LOXL2: variants seen among roughly 807,000 people sequenced by gnomAD.
LOXL2 encodes lysyl oxidase homolog 2.
In LOXL2, 70 loss-of-function variants were observed where a neutral mutation model predicts 93.0. The observed-to-expected ratio is 0.75, with a 90% CI of 0.62 to 0.92. LOXL2 has a LOEUF of 0.92. Ranked by LOEUF, LOXL2 falls within the 40% of genes least tolerant of loss-of-function variation. The pLI is 0.00. For synonymous variants in LOXL2, 438 were observed against 413.2 expected, an observed-to-expected ratio of 1.06 and a Z score of -0.73; for missense variants, 973 against 1,054.9, an observed-to-expected ratio of 0.92 and a Z score of 1.08.
At chr8:23,365,136 G>A (rs17089161) in intron 2 of LOXL2, 34,661 of 152,272 alleles carry the variant, frequency 0.23, 5,994 homozygotes, top group African/African-American at 0.49. Context: ...AACCCAGAAC[G>A]TCCCTGGTGC....
rs1205360031 is a variant in LOXL2 at position 23,303,404 on chromosome 8, C to T, written c.1881-7G>A. 24 of 1,537,008 alleles carry T rather than the reference C, an allele frequency of 1.6e-5. No individual in the cohort carries two copies. The Admixed American group carries it at 2.0e-4, about 13-fold the overall frequency. ...CTCCATGCTGTGGTAGTGCCTGGAG[C>T]GAGAGAGAGATGGCCTGGAGGTCAG... On this transcript the variant is annotated splice_region_variant and splice_polypyrimidine_tract_variant and intron_variant, in intron 10 of 13. Transcript: ENST00000389131.
intron 1 of LOXL2, among the ~76,000 whole-genome samples, chr8:23,374,969 T>A (rs1191112277): frequency 6.6e-6 from 1 of 152,244 alleles, no homozygotes; most frequent in Non-Finnish European, 1.5e-5. Context: ...ATTTGTTAAT[T>A]TTGGCTTTTG....
Position 23,297,999 on chromosome 8 carries a change from G to GA in LOXL2, c.*43dup, listed in dbSNP as rs1367339890. On this transcript the variant is annotated 3_prime_UTR_variant, in exon 14 of 14. Transcript: ENST00000389131. ...GTTGTTGGGGGGAAGTCCCATGGAA[G>GA]ATGTGGTGTGGCCTGAAGACAGGAG... 6.6e-7 allele frequency: 1 copy of GA among 1,518,870 alleles called. No homozygotes were observed. Among genetic ancestry groups the GA allele is most frequent in the South Asian group, 1.1e-5 (1 of 87,934 alleles). The allele number at this position is 1,518,870 out of a possible 1,614,324, so 94.1% of individuals were successfully genotyped here. A position where few individuals can be genotyped will look rare whatever the true frequency, so the allele number is the denominator to read the frequency against.
At chr8:23,328,703 G>A (rs1174985316) in intron 5 of LOXL2, 138 bp from the exon 6 acceptor site, 2 of 680,102 alleles carry the variant, frequency 2.9e-6, no homozygotes, top group African/African-American at 3.7e-5. Context: ...TATGCTTGAT[G>A]TATGGATGTG....
rs3765215 is a variant in LOXL2 at position 23,303,265 on chromosome 8, C to G, written c.1996+17G>C. 0.26 allele frequency: 393,658 copies of G among 1,529,340 alleles called. 53,642 individuals are homozygous for G. The highest frequency in any genetic ancestry group is 0.29 in the East Asian group (12,910 of 44,386). The allele number at this position is 1,529,340 out of a possible 1,614,324, so 94.7% of individuals were successfully genotyped here. The stretch of plus-strand genomic sequence containing the variant: ...AGTCCCTCTGAGGCCTCCCATCCCC[C>G]CACTCCGCTCAGATACCTCCTTCAC... On this transcript the variant is annotated intron_variant, in intron 11 of 13. Coordinates refer to ENST00000389131, the MANE Select transcript of LOXL2 (RefSeq NM_002318.3).
At chr8:23,318,521 A>T (rs541629140) in intron 8 of LOXL2, among the ~76,000 whole-genome samples, 2 of 151,504 alleles carry the variant, frequency 1.3e-5, no homozygotes, top group South Asian at 4.2e-4. Flanking sequence ...ACCAATACCC[A>T]CCTCCATCCT....
At chr8:23,335,360 C>G (rs183767360) in intron 4 of LOXL2, among the ~76,000 whole-genome samples, 171 of 152,234 alleles carry the variant, frequency 1.1e-3, no homozygotes, top group Middle Eastern at 6.8e-3. Context: ...AGTGCCTGGC[C>G]TGTTGTGACA....
At chr8:23,389,762 T>C (rs1461803022) in intron 1 of LOXL2, among the ~76,000 whole-genome samples, 1 of 152,180 alleles carries the variant, frequency 6.6e-6, no homozygotes, top group East Asian at 1.9e-4. Flanking sequence ...CATAGGACTC[T>C]CACAAAGCAG....
At position 23,376,375 on chromosome 8, in the gene LOXL2, A is replaced by T. The variant is rs564951501; in HGVS notation, c.-83-7941T>A. Among the ~76,000 whole-genome samples, 9 of 152,284 alleles carry T rather than the reference A, an allele frequency of 5.9e-5. No homozygotes were observed. In the South Asian group the frequency reaches 1.7e-3, roughly 28 times the overall value. ...ATTGAGGATTTTTGCATCGATATTC[A>T]TCAGGGATATTGGTCTAAAATTCTC... On this transcript the variant is annotated intron_variant, in intron 1 of 13. Coordinates refer to ENST00000389131, the MANE Select transcript of LOXL2 (RefSeq NM_002318.3).
At chr8:23,333,378 C>T (rs556732782) in intron 5 of LOXL2, 23 bp downstream of exon 5, 3 of 1,610,576 alleles carry the variant, frequency 1.9e-6, no homozygotes, top group African/African-American at 1.3e-5. Context: ...GCCAAGTGGC[C>T]ACACCTCGTG....
chr8:23,350,654 T>C (rs967591996), intron 3 of LOXL2, among the ~76,000 whole-genome samples: 3 of 152,170 alleles, frequency 2.0e-5, no homozygotes, highest in Non-Finnish European at 2.9e-5. Context: ...ATTTCAACAA[T>C]TTCTGTTCCT....
In LOXL2 at chr8:23,319,875, G is replaced by A; in HGVS notation, c.1470+10C>T. On this transcript the variant is annotated intron_variant, in intron 8 of 13. Transcript: ENST00000389131. ...GGGTGAATGCGGGGTCTGAGGCCGG[G>A]GCTTCTCACCTGGAAGGCGTTGCTG... is the stretch of plus-strand genomic sequence containing the variant. 2 of 1,612,218 alleles carry A rather than the reference G, an allele frequency of 1.2e-6. No individual in the cohort carries two copies. The highest frequency in any genetic ancestry group is 1.7e-6 in the Non-Finnish European group (2 of 1,179,642).
At chr8:23,308,331 G>A (rs985530216) in intron 10 of LOXL2, among the ~76,000 whole-genome samples, 3 of 151,974 alleles carry the variant, frequency 2.0e-5, no homozygotes, top group African/African-American at 2.4e-5. Context: ...ACGGGCCCTG[G>A]GATTGAGCAG....
At chr8:23,319,184 G>A (rs1803453572) in intron 8 of LOXL2, among the ~76,000 whole-genome samples, 1 of 152,118 alleles carries the variant, frequency 6.6e-6, no homozygotes, top group African/African-American at 2.4e-5. Flanking sequence ...GGCAGGGAAG[G>A]GTGGCTGCTT....
chr8:23,328,567 T>C lies in LOXL2; in HGVS notation c.967-2A>G. 1.2e-6 allele frequency: 2 copies of C among 1,613,738 alleles called. No homozygotes were observed. The highest frequency in any genetic ancestry group is 1.7e-6 in the Non-Finnish European group (2 of 1,180,004). ...GCCTCTCAGTCGCACCAGGGGTTGCTGAAGAGACACACGGTCCTGCTGAGT... is the reference window on the plus strand; with the variant it reads ...GCCTCTCAGTCGCACCAGGGGTTGCCGAAGAGACACACGGTCCTGCTGAGT... On this transcript the variant is annotated splice_acceptor_variant, in intron 5 of 13. Transcript: ENST00000389131. LOFTEE classifies it high-confidence loss of function.
chr8:23,306,185 C>T (rs988459977), intron 10 of LOXL2, among the ~76,000 whole-genome samples: 1 of 152,154 alleles, frequency 6.6e-6, no homozygotes, highest in East Asian at 1.9e-4. Context: ...GCAGATAAAG[C>T]TGGTTCAGAG....
At chr8:23,360,044 A>G (rs1003514283) in intron 3 of LOXL2, 46 bp downstream of exon 3, 21 of 1,552,066 alleles carry the variant, frequency 1.4e-5, no homozygotes, top group Non-Finnish European at 1.9e-5. Flanking sequence ...TGCATGGAAG[A>G]GGAAAAATGT....
intron 9 of LOXL2, 33 bp from the exon 10 acceptor site, chr8:23,309,944 A>G (rs1242886416): frequency 7.0e-7 from 1 of 1,431,232 alleles, no homozygotes; most frequent in Non-Finnish European, 9.2e-7. Context: ...CAACAAGGCA[A>G]GAGACCCCTC....
chr8:23,350,209 C>A lies in LOXL2; in HGVS notation c.532-9006G>T, dbSNP rs150737214. Among the ~76,000 whole-genome samples the A allele has an allele frequency of 2.2e-3, 340 of 152,274 alleles. 3 individuals are homozygous for A. Among genetic ancestry groups the A allele is most frequent in the Non-Finnish European group, 1.4e-3 (95 of 68,028 alleles). ...TGTATTATCTGCACACAGTATGAGG[C>A]ATGCTGTACTCCAGGAGTCTGGCTA... is the stretch of plus-strand genomic sequence containing the variant. On this transcript the variant is annotated intron_variant, in intron 3 of 13. Coordinates refer to ENST00000389131, the MANE Select transcript of LOXL2 (RefSeq NM_002318.3).
Sources: gnomAD v4.1 joint callset for allele counts (sites outside exome capture counted in the v4.1 genomes callset) on GRCh38, gnomAD v4.1.1 for gene constraint, MANE v1.5 for transcripts, NCBI Gene and HGNC (gene_info 2026-07-23, HGNC 2026-07-21) for gene names.